The following ARHGAP15 variants were observed in gnomAD, a reference collection of about 807,000 sequenced individuals.
ARHGAP15 encodes rho GTPase-activating protein 15.
Under a neutral mutation model 63.7 loss-of-function variants are expected in ARHGAP15, and 51 were observed. That is an observed-to-expected ratio of 0.80 (90% CI 0.64 to 1.01). The LOEUF (loss-of-function observed/expected upper bound fraction) is 1.01, where lower values mean the gene tolerates loss of function less well. Ranked by LOEUF, ARHGAP15 falls within the 50% of genes least tolerant of loss-of-function variation. The pLI, the probability that ARHGAP15 is intolerant of heterozygous loss-of-function variation, is 0.00. For missense variants in ARHGAP15, 560 were observed against 564.6 expected (o/e 0.99, Z 0.08); for synonymous variants, 191 against 193.8 (o/e 0.99, Z 0.12).
At chr2:143,624,076 T>C in intron 11 of ARHGAP15, 57 bp from the exon 12 acceptor site, 1 of 1,587,758 alleles carries the variant, frequency 6.3e-7, no homozygotes, top group Non-Finnish European at 8.6e-7. Context: ...TAATAATTAG[T>C]GTCTTGTAAT....
At chr2:143,294,180 A>T (rs1682531917) in intron 6 of ARHGAP15, among the ~76,000 whole-genome samples, 1 of 152,062 alleles carries the variant, frequency 6.6e-6, no homozygotes, top group Admixed American at 6.6e-5. Flanking sequence ...CAGCACTTAA[A>T]TTTATGAATG....
chr2:143,211,982 C>A (rs941212621), intron 3 of ARHGAP15, among the ~76,000 whole-genome samples: 2 of 152,082 alleles, frequency 1.3e-5, no homozygotes, highest in East Asian at 1.9e-4. Context: ...GTGTTAAAAG[C>A]CAAACCCTTC....
intron 2 of ARHGAP15, among the ~76,000 whole-genome samples, chr2:143,160,423 C>G (rs552906430): frequency 2.9e-4 from 44 of 152,034 alleles, no homozygotes; most frequent in Non-Finnish European, 5.2e-4. Context: ...GTGAGACTCT[C>G]CAAAGATCCA....
intron 9 of ARHGAP15, among the ~76,000 whole-genome samples, chr2:143,506,112 T>A (rs1693301640): frequency 6.6e-6 from 1 of 152,196 alleles, no homozygotes; most frequent in African/African-American, 2.4e-5. Context: ...CACCTGGGAT[T>A]CTAACAAATC....
chr2:143,312,360 C>T (rs16822349), intron 6 of ARHGAP15, among the ~76,000 whole-genome samples: 31,540 of 151,912 alleles, frequency 0.21, 6,177 homozygotes, highest in African/African-American at 0.52. Flanking sequence ...ATCAAACATT[C>T]TTGAATAACA....
intron 6 of ARHGAP15, among the ~76,000 whole-genome samples, chr2:143,381,150 C>T (rs562052998): frequency 1.3e-5 from 2 of 152,228 alleles, no homozygotes; most frequent in East Asian, 1.9e-4. Flanking sequence ...CAAGTCTAGT[C>T]GAGTGAAGTC....
chr2:143,131,912 G>A (rs1162336459), intron 1 of ARHGAP15, among the ~76,000 whole-genome samples: 1 of 151,974 alleles, frequency 6.6e-6, no homozygotes, highest in Admixed American at 6.6e-5. Context: ...ATTTCTGGAA[G>A]TGTCTCATAT....
chr2:143,717,284 G>A (rs1309253785), intron 13 of ARHGAP15, among the ~76,000 whole-genome samples: 4 of 152,226 alleles, frequency 2.6e-5, no homozygotes, highest in Middle Eastern at 3.2e-3. Flanking sequence ...CTCTCGGTCT[G>A]TCACGTGTAT....
chr2:143,651,605 G>A (rs1681167616), intron 12 of ARHGAP15, among the ~76,000 whole-genome samples: 1 of 151,894 alleles, frequency 6.6e-6, no homozygotes. Flanking sequence ...GGAATGACTG[G>A]GTCATATGGT....
intron 11 of ARHGAP15, among the ~76,000 whole-genome samples, chr2:143,587,059 T>C (rs1489198366): frequency 6.6e-6 from 1 of 152,120 alleles, no homozygotes; most frequent in East Asian, 1.9e-4. Flanking sequence ...GAATGGACAA[T>C]AAAATGATTT....
intron 6 of ARHGAP15, among the ~76,000 whole-genome samples, chr2:143,377,694 T>C (rs1686877783): frequency 6.6e-6 from 1 of 152,062 alleles, no homozygotes; most frequent in African/African-American, 2.4e-5. Context: ...GTTGGAGTTT[T>C]GTAATTAATT....
intron 6 of ARHGAP15, among the ~76,000 whole-genome samples, chr2:143,268,311 C>A (rs1417942815): frequency 6.6e-6 from 1 of 152,022 alleles, no homozygotes; most frequent in Non-Finnish European, 1.5e-5. Flanking sequence ...TTAGCTGCCA[C>A]TCCTGGGAAA....
intron 11 of ARHGAP15, among the ~76,000 whole-genome samples, chr2:143,573,697 T>C (rs1037119773): frequency 3.3e-5 from 5 of 152,194 alleles, no homozygotes; most frequent in Admixed American, 6.5e-5. Context: ...AAGTATTATT[T>C]TCCATATGTG....
At chr2:143,636,674 C>G (rs1680332711) in intron 12 of ARHGAP15, among the ~76,000 whole-genome samples, 2 of 152,128 alleles carry the variant, frequency 1.3e-5, no homozygotes, top group Non-Finnish European at 2.9e-5. Context: ...AAAGTGTAAC[C>G]CGTAGAGCCT....
intron 9 of ARHGAP15, among the ~76,000 whole-genome samples, chr2:143,502,814 A>T (rs1693127208): frequency 6.6e-6 from 1 of 152,092 alleles, no homozygotes; most frequent in South Asian, 2.1e-4. Flanking sequence ...TCTTGACCTC[A>T]AGTGATCCAC....
chr2:143,423,387 C>T (rs13430197), intron 6 of ARHGAP15, among the ~76,000 whole-genome samples: 2,034 of 152,186 alleles, frequency 0.013, 47 homozygotes, highest in African/African-American at 0.046. Context: ...ATACCAAAAC[C>T]CTTTAGTATT....
At chr2:143,529,423 C>T (rs991931584) in intron 10 of ARHGAP15, among the ~76,000 whole-genome samples, 3 of 152,038 alleles carry the variant, frequency 2.0e-5, no homozygotes, top group African/African-American at 7.2e-5. Context: ...TATTTCTGCC[C>T]AGGCCACTCT....
intron 6 of ARHGAP15, among the ~76,000 whole-genome samples, chr2:143,280,906 A>C (rs560745521): frequency 6.6e-6 from 1 of 152,168 alleles, no homozygotes; most frequent in Non-Finnish European, 1.5e-5. Flanking sequence ...CAAAGAGATG[A>C]CAAATGCAAA....
chr2:143,597,402 A>G (rs1697565161), intron 11 of ARHGAP15, among the ~76,000 whole-genome samples: 1 of 152,148 alleles, frequency 6.6e-6, no homozygotes, highest in South Asian at 2.1e-4. Flanking sequence ...CCTTTAATCC[A>G]GTTTATGAGG....
Sources: gnomAD v4.1 joint callset for allele counts (sites outside exome capture counted in the v4.1 genomes callset) on GRCh38, gnomAD v4.1.1 for gene constraint, MANE v1.5 for transcripts, NCBI Gene and HGNC (gene_info 2026-07-23, HGNC 2026-07-21) for gene names.